ANXA8: variants seen among roughly 807,000 people sequenced by gnomAD.
ANXA8 encodes annexin A8.
Under a neutral mutation model 26.8 loss-of-function variants are expected in ANXA8, and 9 were observed. That is an observed-to-expected ratio of 0.34 (90% CI 0.20 to 0.59). ANXA8 has a LOEUF of 0.59. Ranked by LOEUF, ANXA8 falls within the 20% of genes least tolerant of loss-of-function variation. ANXA8 has a pLI of 0.84. For missense variants in ANXA8, 83 were observed against 238.5 expected, an observed-to-expected ratio of 0.35 and a Z score of 4.29; for synonymous variants, 39 against 94.8, an observed-to-expected ratio of 0.41 and a Z score of 3.42.
the ANXA8 span, among the ~76,000 whole-genome samples, chr10:47,639,182 G>C: frequency 6.7e-6 from 1 of 148,592 alleles, no homozygotes; most frequent in Non-Finnish European, 1.5e-5. Flanking sequence ...CCAGGCTGGA[G>C]TGCAGTGGCG....
chr10:47,619,249 A>AC, the ANXA8 span, among the ~76,000 whole-genome samples: 1 of 113,364 alleles, frequency 8.8e-6, no homozygotes, highest in Non-Finnish European at 1.9e-5. Flanking sequence ...CTACTATTCT[A>AC]CCCCAATCAA....
chr10:47,660,708 G>T, the ANXA8 span, among the ~76,000 whole-genome samples: 1 of 149,780 alleles, frequency 6.7e-6, no homozygotes, highest in South Asian at 2.1e-4. Flanking sequence ...GCCAAAAGTG[G>T]TATTTTCTAT....
the ANXA8 span, among the ~76,000 whole-genome samples, chr10:47,572,404 C>A: frequency 1.4e-5 from 2 of 147,976 alleles, no homozygotes; most frequent in African/African-American, 5.1e-5. Flanking sequence ...TGCCTCAGAC[C>A]GTGCTCTCTA....
At chr10:47,559,784 C>A in the ANXA8 span, among the ~76,000 whole-genome samples, 2 of 151,882 alleles carry the variant, frequency 1.3e-5, no homozygotes, top group Non-Finnish European at 2.9e-5. Flanking sequence ...GCATTCACTT[C>A]TATCCCCTCC....
chr10:47,682,715 C>T, the ANXA8 span, among the ~76,000 whole-genome samples: 8 of 151,872 alleles, frequency 5.3e-5, no homozygotes, highest in Non-Finnish European at 1.0e-4. Flanking sequence ...CATGACCTGC[C>T]CACTTCGGCC....
chr10:47,717,881 C>G, the ANXA8 span, among the ~76,000 whole-genome samples: 1 of 151,760 alleles, frequency 6.6e-6, no homozygotes, highest in Admixed American at 6.6e-5. Context: ...GCCTGTAGTC[C>G]CAGCTACTTG....
chr10:47,645,517 G>A, the ANXA8 span, among the ~76,000 whole-genome samples: 72 of 149,764 alleles, frequency 4.8e-4, 1 homozygote, highest in South Asian at 0.015. Context: ...GAAAGAGAAA[G>A]AGAAAGACAA....
chr10:47,726,840 G>A, the ANXA8 span: 1 of 1,398,948 alleles, frequency 7.1e-7, no homozygotes, highest in South Asian at 1.2e-5. Context: ...CTCTTCTGTA[G>A]GCCAGCGTTA....
chr10:47,720,552 GT>G, the ANXA8 span, among the ~76,000 whole-genome samples: 1 of 145,466 alleles, frequency 6.9e-6, no homozygotes, highest in South Asian at 2.2e-4. Flanking sequence ...AAAACACATT[GT>G]TTTTTGAATA....
the ANXA8 span, among the ~76,000 whole-genome samples, chr10:47,948,594 A>C: frequency 6.7e-6 from 1 of 148,766 alleles, no homozygotes; most frequent in South Asian, 2.1e-4. Context: ...AATTTAAATG[A>C]ATCTTTAGTA....
At chr10:47,580,352 T>C in the ANXA8 span, among the ~76,000 whole-genome samples, 1 of 152,362 alleles carries the variant, frequency 6.6e-6, no homozygotes, top group Non-Finnish European at 1.5e-5. Context: ...GTGCAGAATA[T>C]ATATTCCTCT....
the ANXA8 span, among the ~76,000 whole-genome samples, chr10:47,495,003 T>C: frequency 1.3e-5 from 2 of 150,970 alleles, no homozygotes; most frequent in Non-Finnish European, 2.9e-5. Flanking sequence ...CAGCCATCAG[T>C]AGAAAGATGT....
At chr10:47,486,403 A>T (rs1206802107), upstream of ANXA8, among the ~76,000 whole-genome samples, 7 of 140,700 alleles carry the variant, frequency 5.0e-5, no homozygotes, top group African/African-American at 1.8e-4. Flanking sequence ...GTTTCTGGTG[A>T]AACAGTTTTT....
chr10:47,895,827 A>G, the ANXA8 span, among the ~76,000 whole-genome samples: 1 of 150,834 alleles, frequency 6.6e-6, no homozygotes, highest in Non-Finnish European at 1.5e-5. Context: ...TCCCGGACTC[A>G]TGACTCGTCT....
chr10:47,689,198 GAGAT>G, the ANXA8 span, among the ~76,000 whole-genome samples: 3 of 151,092 alleles, frequency 2.0e-5, no homozygotes, highest in Admixed American at 2.0e-4. Context: ...GTCTTTTTTT[GAGAT>G]GGAGTCTCAC....
At chr10:47,724,131 C>A in the ANXA8 span, among the ~76,000 whole-genome samples, 2 of 134,452 alleles carry the variant, frequency 1.5e-5, 1 homozygote, top group Non-Finnish European at 3.2e-5. Flanking sequence ...GTACCATATC[C>A]CACATGCTGC....
chr10:47,956,922 A>C, the ANXA8 span, among the ~76,000 whole-genome samples: 1 of 150,242 alleles, frequency 6.7e-6, no homozygotes, highest in Non-Finnish European at 1.5e-5. Flanking sequence ...TGCATCCCAG[A>C]TACAGGTATA....
chr10:47,672,451 G>A, the ANXA8 span, among the ~76,000 whole-genome samples: 1 of 151,604 alleles, frequency 6.6e-6, no homozygotes, highest in Admixed American at 6.6e-5. Context: ...TTTATAATAT[G>A]CAACAATAAC....
the ANXA8 span, chr10:47,568,079 G>C: frequency 2.1e-6 from 1 of 467,366 alleles, no homozygotes; most frequent in Non-Finnish European, 3.8e-6. Context: ...CTGTCGCCCA[G>C]GCTGGAGTGC....
Sources: allele counts gnomAD v4.1 joint callset (sites outside exome capture counted in the v4.1 genomes callset), GRCh38; gene constraint gnomAD v4.1.1; transcripts MANE v1.5; gene names NCBI Gene and HGNC (gene_info 2026-07-23, HGNC 2026-07-21).